ZNF341: variants seen among roughly 807,000 people sequenced by gnomAD.
ZNF341 encodes the protein zinc finger protein 341.
In ZNF341, 52 loss-of-function variants were observed where a neutral mutation model predicts 87.7. The observed-to-expected ratio is 0.59, with a 90% CI of 0.47 to 0.75. The LOEUF is 0.75. ZNF341 is among the 30% of genes least tolerant of loss of function. The pLI, the probability that ZNF341 is intolerant of heterozygous loss-of-function variation, is 0.00. For synonymous variants in ZNF341, 459 were observed against 472.7 expected (o/e 0.97, Z 0.38); for missense variants, 977 against 1,145.9 (o/e 0.85, Z 2.13).
chr20:33,788,806 T>C (rs1450265676), intron 12 of ZNF341, 57 bp from the exon 13 acceptor site: 1 of 1,476,180 alleles, frequency 6.8e-7, no homozygotes, highest in South Asian at 1.2e-5. Flanking sequence ...GGGACCCTTG[T>C]GCCCTGGATG....
At chr20:33,772,709 A>G (rs1038348677) in intron 10 of ZNF341, among the ~76,000 whole-genome samples, 1 of 152,160 alleles carries the variant, frequency 6.6e-6, no homozygotes, top group East Asian at 1.9e-4. Context: ...ACAGCAAGTG[A>G]TGTATTAATA....
chr20:33,774,266 A>G (rs1800143886), intron 10 of ZNF341, among the ~76,000 whole-genome samples: 1 of 152,178 alleles, frequency 6.6e-6, no homozygotes, highest in African/African-American at 2.4e-5. Context: ...CACTCCATCC[A>G]GCCTGGGTGA....
intron 10 of ZNF341, among the ~76,000 whole-genome samples, chr20:33,770,971 A>C (rs1271797602): frequency 6.6e-6 from 1 of 151,802 alleles, no homozygotes; most frequent in Non-Finnish European, 1.5e-5. Flanking sequence ...ATACAAAAAA[A>C]ATTAGCCGGG....
chr20:33,779,448 C>CTTTTTT (rs34100674), intron 10 of ZNF341, among the ~76,000 whole-genome samples: 1 of 129,080 alleles, frequency 7.7e-6, no homozygotes, highest in African/African-American at 2.9e-5. Flanking sequence ...GACAATCTCC[C>CTTTTTT]TTTTTTTTTT....
At chr20:33,736,142 G>A (rs868843522) in intron 1 of ZNF341, among the ~76,000 whole-genome samples, 163 of 81,734 alleles carry the variant, frequency 2.0e-3, no homozygotes, top group African/African-American at 7.3e-3. Context: ...AAAAAAAAAA[G>A]TAAAAACTGG....
intron 1 of ZNF341, among the ~76,000 whole-genome samples, chr20:33,734,409 C>T (rs1440062348): frequency 2.0e-5 from 3 of 151,762 alleles, no homozygotes; most frequent in Non-Finnish European, 4.4e-5. Context: ...GCCAGAGTGG[C>T]AGTGGGGGGT....
intron 1 of ZNF341, among the ~76,000 whole-genome samples, chr20:33,736,554 A>C (rs971121977): frequency 6.6e-6 from 1 of 151,992 alleles, no homozygotes; most frequent in Non-Finnish European, 1.5e-5. Flanking sequence ...CAGTGGCATG[A>C]TCTTGGCTCA....
chr20:33,756,710 A>T (rs1043885043), intron 5 of ZNF341, among the ~76,000 whole-genome samples: 1 of 152,186 alleles, frequency 6.6e-6, no homozygotes, highest in African/African-American at 2.4e-5. Context: ...TGATAAGAAT[A>T]GACAGGGCAA....
intron 9 of ZNF341, 78 bp downstream of exon 9, chr20:33,767,119 C>G (rs1054486272): frequency 1.3e-6 from 2 of 1,503,684 alleles, no homozygotes; most frequent in African/African-American, 2.8e-5. Context: ...TGAATGCTGC[C>G]TAGAAAGGGG....
intron 12 of ZNF341, among the ~76,000 whole-genome samples, chr20:33,784,510 C>T (rs2019812274): frequency 7.4e-6 from 1 of 135,076 alleles, no homozygotes; most frequent in African/African-American, 2.9e-5. Flanking sequence ...TTCCTCTCTC[C>T]TTCCTGGCCC....
rs756941283 is a variant in ZNF341, at chr20:33,783,759, C to T, written c.1747C>T (p.Arg583Cys). The change falls in exon 12 of 15, where the codon CGT becomes TGT. Residue 583 changes from arginine to cysteine, a missense_variant. By Grantham distance (180) the Arg-to-Cys change is radical. Transcript: ENST00000375200. ...GTTTCCTTGTGAACGCTACCTGCGGCGTCATCTGCCCACCCACGGCAGCGG... is the reference window on the plus strand; with the variant it reads ...GTTTCCTTGTGAACGCTACCTGCGGTGTCATCTGCCCACCCACGGCAGCGG... The part of the protein sequence containing the change: ...KVFPCERYLR[R>C]HLPTHGSGGR... 2.4e-5 allele frequency: 38 copies of T among 1,613,822 alleles called. No homozygotes were observed. The highest frequency in any genetic ancestry group is 4.4e-5 in the South Asian group (4 of 91,082).
At chr20:33,762,126 T>C in intron 8 of ZNF341, 71 bp downstream of exon 8, 1 of 1,419,700 alleles carries the variant, frequency 7.0e-7, no homozygotes, top group South Asian at 1.5e-5. Flanking sequence ...TATTGCTAGC[T>C]GTGTGACCTT....
chr20:33,732,219 G>A lies in ZNF341; in HGVS notation c.31+167G>A, dbSNP rs1174474338. On this transcript the variant is annotated intron_variant, in intron 1 of 14. Transcript: ENST00000375200. This position sits in a 1 kb window ranked among gnomAD's most constrained non-coding sequence, Gnocchi z 4.5. Reference sequence around the variant, plus strand: ...CGCGGGCGGGAACAGCGCGGGAGCCGAGGCCCGGCGGGGGAGCTCCGGGGC... The same window carrying A: ...CGCGGGCGGGAACAGCGCGGGAGCCAAGGCCCGGCGGGGGAGCTCCGGGGC... Among the ~76,000 whole-genome samples, 2 of 149,784 alleles carry A rather than the reference G, an allele frequency of 1.3e-5. No individual in the cohort carries two copies. Among genetic ancestry groups the A allele is most frequent in the Non-Finnish European group, 3.0e-5 (2 of 67,186 alleles).
chr20:33,747,429 A>C (rs2018951670), intron 3 of ZNF341, among the ~76,000 whole-genome samples: 1 of 138,830 alleles, frequency 7.2e-6, no homozygotes, highest in African/African-American at 3.3e-5. Flanking sequence ...TCCCGGCTAA[A>C]ACGGTGAAAC....
Position 33,788,865 on chromosome 20 carries a change from G to T in ZNF341, c.1855G>T (p.Glu619Ter). Residue 619 changes from glutamate (E) to a stop codon, truncating the protein, a stop_gained and splice_region_variant, in exon 13 of 15, where the codon GAG becomes TAG. Coordinates refer to ENST00000375200, the MANE Select transcript of ZNF341 (RefSeq NM_001282933.2). LOFTEE classifies it high-confidence loss of function. ...LKLHAHIHSG[E>*]KPYKCSVCES... ...CTCCCTGTCTGTGTCTGCTGCAGGT[G>T]AGAAGCCCTACAAATGCTCAGTGTG... 1 of 1,613,840 alleles carries T rather than the reference G, an allele frequency of 6.2e-7. No individual in the cohort carries two copies. Among genetic ancestry groups the T allele is most frequent in the South Asian group, 1.1e-5 (1 of 91,018 alleles).
intron 5 of ZNF341, among the ~76,000 whole-genome samples, chr20:33,756,241 G>A (rs1285560729): frequency 6.6e-6 from 1 of 152,006 alleles, no homozygotes; most frequent in African/African-American, 2.4e-5. Flanking sequence ...GAATTCATTT[G>A]GTAATTTCTC....
chr20:33,786,203 C>T (rs997814273), intron 12 of ZNF341, among the ~76,000 whole-genome samples: 5 of 151,658 alleles, frequency 3.3e-5, no homozygotes, highest in Non-Finnish European at 5.9e-5. Context: ...GTGGTTTCAC[C>T]ATGTTGGCCA....
chr20:33,742,592 A>G (rs1161887044), intron 2 of ZNF341, among the ~76,000 whole-genome samples: 2 of 151,914 alleles, frequency 1.3e-5, no homozygotes, highest in Non-Finnish European at 2.9e-5. Flanking sequence ...CAGAGATTAC[A>G]GGCGTGAACC....
chr20:33,747,443 G>A (rs1318715460), intron 3 of ZNF341, among the ~76,000 whole-genome samples: 8 of 144,378 alleles, frequency 5.5e-5, no homozygotes, highest in Admixed American at 3.4e-4. Context: ...GTGAAACCCC[G>A]TCTCTACTAA....
Sources: allele counts gnomAD v4.1 joint callset (sites outside exome capture counted in the v4.1 genomes callset), GRCh38; gene constraint gnomAD v4.1.1; non-coding constraint Gnocchi (gnomAD v3.1); transcripts MANE v1.5; gene names NCBI Gene and HGNC (gene_info 2026-07-23, HGNC 2026-07-21).